The following HDAC9 variants were observed in gnomAD, a reference collection of about 807,000 sequenced individuals.
The protein encoded by HDAC9 is histone deacetylase 9.
A neutral mutation model predicts 139.4 loss-of-function variants in HDAC9; 41 were observed. The ratio of observed to expected loss-of-function variants is 0.29; its 90% CI spans 0.23 to 0.38. The LOEUF is 0.38. Among genes scored for constraint, HDAC9 ranks in the 10% least tolerant of loss-of-function variants. The pLI, the probability that HDAC9 is intolerant of heterozygous loss-of-function variation, is 1.00. For synonymous variants in HDAC9, 517 were observed against 476.2 expected (o/e 1.09, Z -1.12); for missense variants, 1,147 against 1,297.0 (o/e 0.88, Z 1.78).
chr7:18,714,953 A>G (rs1219377272), intron 12 of HDAC9, among the ~76,000 whole-genome samples: 1 of 152,336 alleles, frequency 6.6e-6, no homozygotes, highest in East Asian at 1.9e-4. Context: ...AATAATTACA[A>G]AAGTGTTTTA....
chr7:18,648,358 T>A (rs1028230144), intron 10 of HDAC9, 108 bp from the exon 11 acceptor site: 2 of 899,986 alleles, frequency 2.2e-6, no homozygotes, highest in Non-Finnish European at 3.5e-6. Context: ...GTTTATACCA[T>A]GTATCTGTTT....
At chr7:18,831,762 C>G (rs1275660457) in intron 19 of HDAC9, among the ~76,000 whole-genome samples, 1 of 150,948 alleles carries the variant, frequency 6.6e-6, no homozygotes, top group Non-Finnish European at 1.5e-5. Flanking sequence ...TGCAAGTTAG[C>G]AATGAAAAAG....
chr7:18,874,327 G>T, intron 21 of HDAC9, 151 bp from the exon 22 acceptor site: 3 of 453,992 alleles, frequency 6.6e-6, no homozygotes, highest in African/African-American at 2.0e-5. Flanking sequence ...TTAAGGAAAT[G>T]ATACGCTTTT....
chr7:18,191,482 C>G (rs1584550882), intron 2 of HDAC9, among the ~76,000 whole-genome samples: 1 of 152,160 alleles, frequency 6.6e-6, no homozygotes, highest in Non-Finnish European at 1.5e-5. Flanking sequence ...TAGACAAACC[C>G]AGAGAACTCT....
chr7:18,494,920 T>A (rs1000664414), upstream of HDAC9, among the ~76,000 whole-genome samples: 2 of 152,070 alleles, frequency 1.3e-5, no homozygotes, highest in Non-Finnish European at 2.9e-5. Flanking sequence ...GAGGGGAAAT[T>A]TTCACATATA....
chr7:18,175,600 G>C (rs1387992774), intron 2 of HDAC9, among the ~76,000 whole-genome samples: 1 of 152,192 alleles, frequency 6.6e-6, no homozygotes, highest in Non-Finnish European at 1.5e-5. Flanking sequence ...GAACGGACCA[G>C]TCCATAGTTT....
At position 18,094,663 on chromosome 7, in the gene HDAC9, C is replaced by T. The variant is rs191631136; in HGVS notation, c.-97+7450C>T. 3.9e-5 allele frequency among the ~76,000 whole-genome samples: 6 copies of T among 151,926 alleles called. No homozygotes were observed. In the East Asian group the frequency reaches 9.7e-4, roughly 25 times the overall value. ...TGTGGAAGGGGTCTTGCTGTATTGC[C>T]CAGAGTGGTCTTGTACTCCTGGCCT... On this transcript the variant is annotated intron_variant, in intron 1 of 12. Coordinates refer to the HDAC9 transcript ENST00000417496.
upstream of HDAC9, among the ~76,000 whole-genome samples, chr7:18,286,784 T>C (rs1797480923): frequency 6.6e-6 from 1 of 152,156 alleles, no homozygotes; most frequent in Non-Finnish European, 1.5e-5. Flanking sequence ...GCACCTTCAT[T>C]TTAAAGGTTA....
chr7:18,356,358 G>GTTTTTTTTTTTTT (rs5882659), intron 1 of HDAC9, among the ~76,000 whole-genome samples: 4 of 55,162 alleles, frequency 7.3e-5, no homozygotes, highest in African/African-American at 2.8e-4. Flanking sequence ...CAGCACATAG[G>GTTTTTTTTTTTTT]TTTTTTTTTT....
chr7:18,242,832 A>G (rs947484495), intron 2 of HDAC9, among the ~76,000 whole-genome samples: 1 of 152,142 alleles, frequency 6.6e-6, no homozygotes. Flanking sequence ...TTGGTCTATT[A>G]TGTACCTTTA....
intron 2 of HDAC9, among the ~76,000 whole-genome samples, chr7:18,222,083 T>C (rs1178685469): frequency 6.6e-6 from 1 of 152,186 alleles, no homozygotes; most frequent in African/African-American, 2.4e-5. Context: ...AACTTTCTCC[T>C]TTTAAAAACT....
At position 18,177,476 on chromosome 7, in the gene HDAC9, T is replaced by C. The variant is rs538640144; in HGVS notation, c.25+15127T>C. 2.6e-5 allele frequency among the ~76,000 whole-genome samples: 4 copies of C among 152,276 alleles called. No homozygotes were observed. The South Asian group carries it at 8.3e-4, about 32-fold the overall frequency. ...TATTTTTCTCCTCAATGAACCCCACTCTGTTCAACATGTAGAGCTGCTTAC... is the reference window on the plus strand; with the variant it reads ...TATTTTTCTCCTCAATGAACCCCACCCTGTTCAACATGTAGAGCTGCTTAC... On this transcript the variant is annotated intron_variant, in intron 2 of 12. Coordinates refer to the HDAC9 transcript ENST00000417496.
At chr7:18,757,129 AAATATT>A (rs1450120913) in intron 14 of HDAC9, among the ~76,000 whole-genome samples, 5 of 152,166 alleles carry the variant, frequency 3.3e-5, no homozygotes, top group Non-Finnish European at 7.4e-5. Context: ...TTGACTCATT[AAATATT>A]AAGTATGGTA....
chr7:18,090,411 T>A (rs1312675620), intron 1 of HDAC9, among the ~76,000 whole-genome samples: 1 of 152,214 alleles, frequency 6.6e-6, no homozygotes, highest in Non-Finnish European at 1.5e-5. Flanking sequence ...ACCATGACTC[T>A]AATAGCTACT....
chr7:18,736,446 G>C lies in HDAC9; in HGVS notation c.1909+8689G>C, dbSNP rs139781044. ...TTTATTGAGAGTTTTTAGCATGAAGGGCTGTTGAATTTTGTCTAAGGCCTT... is the reference window on the plus strand; with the variant it reads ...TTTATTGAGAGTTTTTAGCATGAAGCGCTGTTGAATTTTGTCTAAGGCCTT... On this transcript the variant is annotated intron_variant, in intron 13 of 25. Transcript: ENST00000686413. Among the ~76,000 whole-genome samples the C allele has an allele frequency of 1.6e-3, 237 of 152,232 alleles. 3 individuals are homozygous for C. The highest frequency in any genetic ancestry group is 5.5e-3 in the African/African-American group (227 of 41,544).
intron 2 of HDAC9, among the ~76,000 whole-genome samples, chr7:18,574,809 C>T (rs756131431): frequency 1.9e-4 from 29 of 152,362 alleles, no homozygotes; most frequent in Middle Eastern, 3.4e-3. Flanking sequence ...AAAATCAGAG[C>T]GAGTGCTGGG....
chr7:18,576,753 G>A (rs1251430390), intron 2 of HDAC9, among the ~76,000 whole-genome samples: 1 of 151,786 alleles, frequency 6.6e-6, no homozygotes, highest in East Asian at 1.9e-4. Context: ...TTTCTCTTGT[G>A]TCTGCAATGA....
At chr7:18,728,227 G>A (rs1785716805) in intron 13 of HDAC9, among the ~76,000 whole-genome samples, 1 of 152,054 alleles carries the variant, frequency 6.6e-6, no homozygotes, top group Admixed American at 6.6e-5. Flanking sequence ...TAGTACCAAA[G>A]CAAACTTCAC....
chr7:18,940,745 C>T (rs1483759746), intron 23 of HDAC9, among the ~76,000 whole-genome samples: 1 of 152,084 alleles, frequency 6.6e-6, no homozygotes, highest in African/African-American at 2.4e-5. Context: ...GCCAAATTTG[C>T]CTACTGTTAT....
Sources: allele counts gnomAD v4.1 joint callset (sites outside exome capture counted in the v4.1 genomes callset), GRCh38; gene constraint gnomAD v4.1.1; transcripts MANE v1.5; gene names NCBI Gene and HGNC (gene_info 2026-07-23, HGNC 2026-07-21).